Variants in ADAMTS19 observed in about 807,000 individuals in gnomAD.
The protein encoded by ADAMTS19 is ADAM metallopeptidase with thrombospondin type 1 motif 19, also known as A disintegrin and metalloproteinase with thrombospondin motifs 19.
In ADAMTS19, 93 loss-of-function variants were observed where a neutral mutation model predicts 153.3. That is an observed-to-expected ratio of 0.61 (90% CI 0.51 to 0.72). ADAMTS19 has a LOEUF of 0.72. ADAMTS19 is among the 30% of genes least tolerant of loss of function. The pLI, the probability that ADAMTS19 is intolerant of heterozygous loss-of-function variation, is 0.00. For synonymous variants in ADAMTS19, 600 were observed against 556.6 expected, an observed-to-expected ratio of 1.08 and a Z score of -1.10; for missense variants, 1,482 against 1,552.1, an observed-to-expected ratio of 0.95 and a Z score of 0.76.
chr5:129,653,478 C>T (rs1165234660), intron 13 of ADAMTS19, among the ~76,000 whole-genome samples: 1 of 152,154 alleles, frequency 6.6e-6, no homozygotes, highest in Non-Finnish European at 1.5e-5. Flanking sequence ...TATCTGATTG[C>T]TCAATGATGC....
At chr5:129,648,776 T>C (rs763403790) in intron 12 of ADAMTS19, 22 bp from the exon 13 acceptor site, 204 of 1,605,300 alleles carry the variant, frequency 1.3e-4, no homozygotes, top group Non-Finnish European at 1.6e-4. Flanking sequence ...ATAAAATTGA[T>C]TATTTGTACT....
intron 10 of ADAMTS19, 130 bp downstream of exon 10, chr5:129,622,478 G>A: frequency 9.4e-7 from 1 of 1,063,712 alleles, no homozygotes. Flanking sequence ...GATTTTCTAA[G>A]AAAAGGTTTG....
At chr5:129,586,481 T>A (rs1749806370) in intron 7 of ADAMTS19, among the ~76,000 whole-genome samples, 1 of 152,206 alleles carries the variant, frequency 6.6e-6, no homozygotes, top group Non-Finnish European at 1.5e-5. Context: ...TTAAGTTTCC[T>A]CCATCTCTTT....
chr5:129,593,895 T>C (rs1475717829), intron 7 of ADAMTS19, among the ~76,000 whole-genome samples: 1 of 152,194 alleles, frequency 6.6e-6, no homozygotes, highest in African/African-American at 2.4e-5. Context: ...TCAGTGGCTG[T>C]TCTAATCTTT....
chr5:129,596,402 C>G (rs994585279), intron 7 of ADAMTS19, among the ~76,000 whole-genome samples, 157 bp from the exon 8 acceptor site: 2 of 151,986 alleles, frequency 1.3e-5, no homozygotes, highest in Non-Finnish European at 1.5e-5. Context: ...TACATATACA[C>G]TTGCCCCTAA....
At chr5:129,637,404 C>T (rs1243112893) in intron 10 of ADAMTS19, among the ~76,000 whole-genome samples, 6 of 152,148 alleles carry the variant, frequency 3.9e-5, no homozygotes, top group African/African-American at 1.4e-4. Flanking sequence ...TTAGCATACT[C>T]AGCTCTAAAT....
At chr5:129,725,482 T>TA (rs1757170450) in intron 21 of ADAMTS19, among the ~76,000 whole-genome samples, 1 of 152,096 alleles carries the variant, frequency 6.6e-6, no homozygotes, top group African/African-American at 2.4e-5. Context: ...ATATACGAGT[T>TA]AAACTCCACC....
chr5:129,487,588 A>G (rs1429525228), intron 2 of ADAMTS19, among the ~76,000 whole-genome samples: 1 of 152,076 alleles, frequency 6.6e-6, no homozygotes, highest in African/African-American at 2.4e-5. Context: ...GTGGATCATG[A>G]TAGTACATAT....
chr5:129,589,704 T>C (rs1283016715), intron 7 of ADAMTS19, among the ~76,000 whole-genome samples: 1 of 152,120 alleles, frequency 6.6e-6, no homozygotes, highest in African/African-American at 2.4e-5. Flanking sequence ...TTCATCATCA[T>C]TTTTCTCTAG....
chr5:129,642,762 T>C (rs1302415366), intron 11 of ADAMTS19, among the ~76,000 whole-genome samples: 1 of 152,252 alleles, frequency 6.6e-6, no homozygotes, highest in Admixed American at 6.5e-5. Context: ...AGATTTCTTA[T>C]GGTGAAATAC....
chr5:129,731,892 T>TG (rs11445915), intron 21 of ADAMTS19, among the ~76,000 whole-genome samples: 2,386 of 152,184 alleles, frequency 0.016, 60 homozygotes, highest in African/African-American at 0.053. Flanking sequence ...AGCAAAATAT[T>TG]CTTTATCTTT....
At chr5:129,606,368 C>A (rs1750893405) in intron 8 of ADAMTS19, among the ~76,000 whole-genome samples, 1 of 152,184 alleles carries the variant, frequency 6.6e-6, no homozygotes, top group Non-Finnish European at 1.5e-5. Context: ...GACATCTGAG[C>A]CATCTTTAAC....
chr5:129,623,964 T>TA lies in ADAMTS19; in HGVS notation c.1770+1629dup, dbSNP rs1257009539. 6.7e-3 allele frequency among the ~76,000 whole-genome samples: 929 copies of TA among 138,142 alleles called. 6 individuals carry two copies. Among genetic ancestry groups the TA allele is most frequent in the African/African-American group, 0.019 (711 of 37,638 alleles). The allele number at this position is 138,142 out of a possible 152,430, so 90.6% of individuals were successfully genotyped here. A position where few individuals can be genotyped will look rare whatever the true frequency, so the allele number is the denominator to read the frequency against. On this transcript the variant is annotated intron_variant, in intron 10 of 22. Transcript: ENST00000274487. ...TGAAACCCCATCTCTCCTAAAAATA[T>TA]AAAAAAAAAAAAATTAGCTGGGCAT...
intron 19 of ADAMTS19, among the ~76,000 whole-genome samples, chr5:129,700,838 G>C (rs1755803722): frequency 6.6e-6 from 1 of 151,560 alleles, no homozygotes; most frequent in Non-Finnish European, 1.5e-5. Flanking sequence ...TCCAAGAGAA[G>C]AAATATGGAG....
chr5:129,561,598 C>T (rs1318137640), intron 7 of ADAMTS19, among the ~76,000 whole-genome samples: 2 of 151,590 alleles, frequency 1.3e-5, no homozygotes, highest in Non-Finnish European at 2.9e-5. Flanking sequence ...TTCTAAAACG[C>T]ATGTCGTAGT....
At chr5:129,467,071 ATAT>A (rs1749890275) in intron 2 of ADAMTS19, among the ~76,000 whole-genome samples, 1 of 152,182 alleles carries the variant, frequency 6.6e-6, no homozygotes, top group South Asian at 2.1e-4. Context: ...TAATTATTTA[ATAT>A]TTAAATATTG....
At chr5:129,551,962 T>C (rs983572936) in intron 7 of ADAMTS19, 55 bp downstream of exon 7, 1 of 1,141,942 alleles carries the variant, frequency 8.8e-7, no homozygotes, top group Admixed American at 2.6e-5. Flanking sequence ...AACATATCAC[T>C]TGTTTAAGTA....
chr5:129,728,292 A>G (rs574380454), intron 21 of ADAMTS19, among the ~76,000 whole-genome samples: 24 of 152,302 alleles, frequency 1.6e-4, no homozygotes, highest in African/African-American at 5.5e-4. Context: ...AGAAATAACT[A>G]TAAGTATACT....
intron 6 of ADAMTS19, among the ~76,000 whole-genome samples, chr5:129,535,593 C>T (rs10040361): frequency 0.11 from 17,331 of 152,010 alleles, 1,100 homozygotes; most frequent in Middle Eastern, 0.16. Flanking sequence ...AAAAAGAGCC[C>T]GCATTGCCAA....
Sources: gnomAD v4.1 joint callset for allele counts (sites outside exome capture counted in the v4.1 genomes callset) on GRCh38, gnomAD v4.1.1 for gene constraint, MANE v1.5 for transcripts, NCBI Gene and HGNC (gene_info 2026-07-23, HGNC 2026-07-21) for gene names.